TEKT3: variants seen among roughly 807,000 people sequenced by gnomAD.
TEKT3 encodes the protein tektin 3, also known as tektin-3.
In TEKT3, 49 loss-of-function variants were observed where a neutral mutation model predicts 49.8. That is an observed-to-expected ratio of 0.98 (90% CI 0.78 to 1.25). The LOEUF (loss-of-function observed/expected upper bound fraction) is 1.25. Ranked by LOEUF, TEKT3 falls within the 50% of genes most tolerant of loss-of-function variation. The probability of loss-of-function intolerance (pLI) is 0.00; values close to 1 mark genes in which losing one functional copy is unlikely to be tolerated. For missense variants in TEKT3, 595 were observed against 629.5 expected (o/e 0.95, Z 0.59); for synonymous variants, 225 against 237.2 (o/e 0.95, Z 0.47).
chr17:15,306,465 T>A (rs1005138337), intron 8 of TEKT3, among the ~76,000 whole-genome samples: 3 of 152,126 alleles, frequency 2.0e-5, no homozygotes, highest in South Asian at 4.2e-4. Context: ...AAGTAGGTTT[T>A]GTTCAAAAGT....
At chr17:15,318,668 G>T (rs968248187) in intron 5 of TEKT3, among the ~76,000 whole-genome samples, 1 of 152,070 alleles carries the variant, frequency 6.6e-6, no homozygotes, top group African/African-American at 2.4e-5. Context: ...CTCCTAAGTA[G>T]CTAGGACCAC....
Position 15,303,992 on chromosome 17 carries a change from A to G in TEKT3, c.1417T>C (p.Cys473Arg). The G allele has an allele frequency of 1.2e-6, 2 of 1,614,092 alleles. No individual in the cohort carries two copies. The highest frequency in any genetic ancestry group is 1.7e-6 in the Non-Finnish European group (2 of 1,180,030). Reference protein sequence around the residue: ...ANSLYIDQEKCMSMRKSYPNT... With the variant: ...ANSLYIDQEKRMSMRKSYPNT... ...GGGTAGCTCTTGCGCATGCTCATGC[A>G]TTTTTCCTGGTCGATGTACAGGGAA... Residue 473 changes from cysteine (C) to arginine (R), a missense_variant, in exon 9 of 9, where the codon TGC (cysteine) becomes CGC (arginine). Coordinates refer to ENST00000395930, the MANE Select transcript of TEKT3 (RefSeq NM_031898.3).
chr17:15,308,910 A>C, intron 7 of TEKT3, 92 bp from the exon 8 acceptor site: 2 of 1,474,634 alleles, frequency 1.4e-6, no homozygotes, highest in South Asian at 2.5e-5. Context: ...CATGTCCAGC[A>C]CGTGCCTTGA....
rs868356299 is a variant in TEKT3, at chr17:15,323,733, A to G, written c.663+4259T>C. Among the ~76,000 whole-genome samples, 4 of 152,220 alleles carry G rather than the reference A, an allele frequency of 2.6e-5. No homozygotes were observed. The South Asian group carries it at 6.2e-4, about 24-fold the overall frequency. Reference sequence around the variant, plus strand: ...ATCAATACCTTGAGTAAGCCACAGAATGCATTCACTACTTGAATTAACTGG... The same window carrying G: ...ATCAATACCTTGAGTAAGCCACAGAGTGCATTCACTACTTGAATTAACTGG... On this transcript the variant is annotated intron_variant, in intron 4 of 8. Coordinates refer to ENST00000395930, the MANE Select transcript of TEKT3 (RefSeq NM_031898.3).
chr17:15,317,600 G>A (rs1911064201), intron 5 of TEKT3, among the ~76,000 whole-genome samples: 1 of 152,158 alleles, frequency 6.6e-6, no homozygotes, highest in Non-Finnish European at 1.5e-5. Context: ...CAAATTAAAT[G>A]AGCAGCATGG....
At chr17:15,332,214 G>T (rs571804836) in intron 2 of TEKT3, among the ~76,000 whole-genome samples, 20 of 152,100 alleles carry the variant, frequency 1.3e-4, no homozygotes, top group African/African-American at 4.8e-4. Flanking sequence ...TAAATAAATA[G>T]ATTTCCGTCT....
In TEKT3 at chr17:15,314,178, T is replaced by C. The variant is rs753702801; in HGVS notation, c.787A>G (p.Thr263Ala). 1 of 1,614,206 alleles carries C rather than the reference T, an allele frequency of 6.2e-7. No individual in the cohort carries two copies. Among genetic ancestry groups the C allele is most frequent in the East Asian group, 2.2e-5 (1 of 44,864 alleles). ...ELEKDLSDKQ[T>A]AYRIDDKCHH... The stretch of plus-strand genomic sequence containing the variant: ...CATTTGTCGTCGATCCGGTAAGCCG[T>C]CTGTTTGTCACTCAGGTCCTTTTCC... The change falls in exon 6 of 9, where the codon ACG becomes GCG. Residue 263 changes from threonine (T) to alanine (A), a missense_variant. Transcript: ENST00000395930.
chr17:15,324,029 A>G (rs1911381711), intron 4 of TEKT3, among the ~76,000 whole-genome samples: 1 of 152,206 alleles, frequency 6.6e-6, no homozygotes, highest in Admixed American at 6.5e-5. Flanking sequence ...CACCGGAACC[A>G]AATTTAAAAC....
At position 15,314,142 on chromosome 17, in the gene TEKT3, G is replaced by T; in HGVS notation, c.823C>A (p.Arg275Ser). The change falls in exon 6 of 9, where the codon CGC (arginine) becomes AGC (serine). Residue 275 changes from arginine (R) to serine (S), a missense_variant. Coordinates refer to ENST00000395930, the MANE Select transcript of TEKT3 (RefSeq NM_031898.3). ...TAGCCGACACCGTCTGATGTGTTGC[G>T]CAGGTGGTGGCATTTGTCGTCGATC... is the stretch of plus-strand genomic sequence containing the variant. ...YRIDDKCHHL[R>S]NTSDGVGYFR... 5 of 1,614,198 alleles carry T rather than the reference G, an allele frequency of 3.1e-6. No homozygotes were observed. Among genetic ancestry groups the T allele is most frequent in the Non-Finnish European group, 4.2e-6 (5 of 1,180,034 alleles).
chr17:15,317,114 G>A (rs566690375), intron 5 of TEKT3, among the ~76,000 whole-genome samples: 13 of 152,262 alleles, frequency 8.5e-5, no homozygotes, highest in African/African-American at 2.6e-4. Flanking sequence ...TCCTGGAGAA[G>A]CCATCCCGGG....
At chr17:15,306,325 T>C (rs1910552358) in intron 8 of TEKT3, among the ~76,000 whole-genome samples, 1 of 152,144 alleles carries the variant, frequency 6.6e-6, no homozygotes, top group Non-Finnish European at 1.5e-5. Context: ...CTTTATTTTT[T>C]CTAAATCTAG....
chr17:15,340,370 C>T (rs1912168424), intron 1 of TEKT3: 1 of 120,052 alleles, frequency 8.3e-6, no homozygotes, highest in Non-Finnish European at 1.7e-5. Context: ...CCCCTCTCTA[C>T]TAAAAATACA....
chr17:15,329,065 A>G (rs1378437256), intron 3 of TEKT3, among the ~76,000 whole-genome samples: 1 of 152,178 alleles, frequency 6.6e-6, no homozygotes, highest in Non-Finnish European at 1.5e-5. Flanking sequence ...TTCCCAGGAA[A>G]TTTCTACCAA....
chr17:15,341,101 C>G (rs1912211299), intron 1 of TEKT3, among the ~76,000 whole-genome samples: 2 of 152,160 alleles, frequency 1.3e-5, no homozygotes, highest in Admixed American at 1.3e-4. Context: ...ACTCTCCTCC[C>G]CGTGGCTGCA....
intron 4 of TEKT3, among the ~76,000 whole-genome samples, chr17:15,319,470 G>A (rs1171919381): frequency 6.6e-6 from 1 of 151,978 alleles, no homozygotes; most frequent in African/African-American, 2.4e-5. Context: ...AAAAATTCTG[G>A]TAATATACAA....
intron 5 of TEKT3, among the ~76,000 whole-genome samples, chr17:15,317,065 T>C (rs562542292): frequency 6.6e-6 from 1 of 152,232 alleles, no homozygotes; most frequent in African/African-American, 2.4e-5. Flanking sequence ...TCTCTTCCAG[T>C]CACCTGCCCT....
At chr17:15,321,437 C>T (rs556935335) in intron 4 of TEKT3, among the ~76,000 whole-genome samples, 119 of 142,230 alleles carry the variant, frequency 8.4e-4, no homozygotes, top group African/African-American at 2.8e-3. Context: ...CCAGTGCTAA[C>T]TTATCCTTCC....
intron 6 of TEKT3, among the ~76,000 whole-genome samples, chr17:15,313,475 A>G (rs1393419532): frequency 6.6e-6 from 1 of 152,086 alleles, no homozygotes; most frequent in Admixed American, 6.5e-5. Context: ...AGGGCATGCT[A>G]TACAATGGCA....
chr17:15,336,333 A>G (rs1911982078), intron 2 of TEKT3, among the ~76,000 whole-genome samples: 1 of 152,220 alleles, frequency 6.6e-6, no homozygotes, highest in Non-Finnish European at 1.5e-5. Flanking sequence ...GGCTGGAAGA[A>G]AGTGTAAGCC....
Sources: allele counts gnomAD v4.1 joint callset (sites outside exome capture counted in the v4.1 genomes callset), GRCh38; gene constraint gnomAD v4.1.1; transcripts MANE v1.5; gene names NCBI Gene and HGNC (gene_info 2026-07-23, HGNC 2026-07-21).